DOK6: variants seen among roughly 807,000 people sequenced by gnomAD.
DOK6 encodes the protein docking protein 6.
A neutral mutation model predicts 44.0 loss-of-function variants in DOK6; 22 were observed. The observed-to-expected ratio is 0.50, with a 90% CI of 0.36 to 0.71. The LOEUF (loss-of-function observed/expected upper bound fraction) is 0.71, where lower values mean the gene tolerates loss of function less well. Among genes scored for constraint, DOK6 ranks in the 30% least tolerant of loss-of-function variants. The pLI is 0.00. For synonymous variants in DOK6, 166 were observed against 145.5 expected (o/e 1.14, Z -1.01); for missense variants, 340 against 416.4 (o/e 0.82, Z 1.60).
rs372793172 is a variant in DOK6, at chr18:69,707,540, CTATTAGGATCAAG to C, written c.599+8959_599+8971del. Among the ~76,000 whole-genome samples the C allele has an allele frequency of 2.9e-3, 442 of 152,244 alleles. 5 individuals are homozygous for C. The highest frequency in any genetic ancestry group is 9.8e-3 in the African/African-American group (407 of 41,538). The stretch of plus-strand genomic sequence containing the variant: ...TATTTATTCATTTATCACTGTACCA[CTATTAGGATCAAG>C]TATTAGGATCATCACTTATCCTTAA... On this transcript the variant is annotated intron_variant, in intron 5 of 7. Transcript: ENST00000382713.
chr18:69,831,244 G>A (rs1981892979), intron 7 of DOK6: 1 of 152,246 alleles, frequency 6.6e-6, no homozygotes, highest in Admixed American at 6.5e-5. Flanking sequence ...AGCTCAAACA[G>A]TGAGAAAATG....
At chr18:69,676,366 T>A (rs544746293) in intron 3 of DOK6, among the ~76,000 whole-genome samples, 1 of 152,354 alleles carries the variant, frequency 6.6e-6, no homozygotes, top group Non-Finnish European at 1.5e-5. Context: ...TTATTTTTGC[T>A]GCAGCATGAC....
At chr18:69,752,240 A>G (rs1443504770) in intron 6 of DOK6, among the ~76,000 whole-genome samples, 1 of 152,190 alleles carries the variant, frequency 6.6e-6, no homozygotes, top group Non-Finnish European at 1.5e-5. Context: ...GAAAGGACTT[A>G]TAAAAATGTA....
At chr18:69,814,468 C>T (rs1055403520) in intron 7 of DOK6, among the ~76,000 whole-genome samples, 1 of 152,098 alleles carries the variant, frequency 6.6e-6, no homozygotes, top group Non-Finnish European at 1.5e-5. Context: ...AAGGAACACA[C>T]AATCTAGATC....
chr18:69,507,502 G>C (rs572482945), intron 1 of DOK6, among the ~76,000 whole-genome samples: 45 of 152,162 alleles, frequency 3.0e-4, no homozygotes, highest in African/African-American at 9.6e-4. Context: ...TCTTACTGCT[G>C]CTGAGTCTTC....
At chr18:69,431,694 A>G (rs932298352) in intron 1 of DOK6, among the ~76,000 whole-genome samples, 4 of 152,202 alleles carry the variant, frequency 2.6e-5, no homozygotes, top group East Asian at 1.9e-4. Flanking sequence ...TTCAATGTGT[A>G]TGATTTACAG....
chr18:69,435,045 A>C (rs144304864), intron 1 of DOK6, among the ~76,000 whole-genome samples: 8,626 of 87,052 alleles, frequency 0.099, 495 homozygotes, highest in African/African-American at 0.19. Flanking sequence ...GAAGGAAGGA[A>C]GGAAGGAAGG....
chr18:69,608,866 C>T (rs1984064747), intron 3 of DOK6, among the ~76,000 whole-genome samples: 1 of 147,128 alleles, frequency 6.8e-6, no homozygotes, highest in Non-Finnish European at 1.5e-5. Flanking sequence ...AGGTGAATCG[C>T]TTCAACCCGG....
intron 7 of DOK6, among the ~76,000 whole-genome samples, chr18:69,795,142 G>A (rs558921623): frequency 4.0e-4 from 61 of 152,162 alleles, no homozygotes; most frequent in Middle Eastern, 3.4e-3. Context: ...GGTTGTGGGC[G>A]TCTGATATAG....
chr18:69,803,420 A>T (rs1257786873), intron 7 of DOK6, among the ~76,000 whole-genome samples: 1 of 152,162 alleles, frequency 6.6e-6, no homozygotes, highest in Admixed American at 6.6e-5. Context: ...ACCTTCAATA[A>T]GAGGTTAATA....
chr18:69,824,781 T>C (rs1174880811), intron 7 of DOK6, among the ~76,000 whole-genome samples: 1 of 152,184 alleles, frequency 6.6e-6, no homozygotes, highest in Non-Finnish European at 1.5e-5. Flanking sequence ...TTAAAGGAGA[T>C]TGGTACCGCC....
intron 3 of DOK6, among the ~76,000 whole-genome samples, chr18:69,639,224 C>CAA (rs1984882339): frequency 6.6e-6 from 1 of 152,204 alleles, no homozygotes. Context: ...GAATCCTAGA[C>CAA]TCTTAAGAGC....
intron 3 of DOK6, among the ~76,000 whole-genome samples, chr18:69,626,941 T>C (rs1441343745): frequency 6.6e-6 from 1 of 151,900 alleles, no homozygotes; most frequent in East Asian, 1.9e-4. Flanking sequence ...TTAGACTGCC[T>C]GGATCTGCAA....
intron 5 of DOK6, among the ~76,000 whole-genome samples, chr18:69,699,216 A>C (rs191858454): frequency 1.6e-4 from 25 of 152,128 alleles, no homozygotes; most frequent in Admixed American, 1.5e-3. Context: ...CCAAGATAAG[A>C]CTTAGGTTTG....
chr18:69,654,447 G>A (rs888866367), intron 3 of DOK6, among the ~76,000 whole-genome samples: 2 of 152,044 alleles, frequency 1.3e-5, no homozygotes, highest in African/African-American at 4.8e-5. Context: ...ACATTGAGTC[G>A]GCATGAAGTT....
At chr18:69,670,504 G>A (rs571386040) in intron 3 of DOK6, among the ~76,000 whole-genome samples, 2 of 131,302 alleles carry the variant, frequency 1.5e-5, no homozygotes, top group South Asian at 4.8e-4. Flanking sequence ...AAAAACTTGT[G>A]CATCAATTTT....
intron 1 of DOK6, among the ~76,000 whole-genome samples, chr18:69,478,228 C>T: frequency 6.6e-6 from 1 of 152,120 alleles, no homozygotes; most frequent in East Asian, 1.9e-4. Context: ...ATATTTCATG[C>T]ATAGTTTAAA....
intron 1 of DOK6, among the ~76,000 whole-genome samples, chr18:69,406,297 C>G (rs1175688109): frequency 6.6e-6 from 1 of 152,206 alleles, no homozygotes; most frequent in Non-Finnish European, 1.5e-5. Flanking sequence ...AACTCTATCT[C>G]TATTGGCAAT....
chr18:69,444,152 C>A (rs994260378), intron 1 of DOK6, among the ~76,000 whole-genome samples: 1 of 151,976 alleles, frequency 6.6e-6, no homozygotes, highest in African/African-American at 2.4e-5. Flanking sequence ...TAAATGACTT[C>A]GAGGAAATGG....
Sources: gnomAD v4.1 joint callset for allele counts (sites outside exome capture counted in the v4.1 genomes callset) on GRCh38, gnomAD v4.1.1 for gene constraint, MANE v1.5 for transcripts, NCBI Gene and HGNC (gene_info 2026-07-23, HGNC 2026-07-21) for gene names.